PPEF1: variants seen among roughly 807,000 people sequenced by gnomAD.
PPEF1 encodes the protein protein phosphatase with EF-hand domain 1, also known as serine/threonine-protein phosphatase with EF-hands 1.
A neutral mutation model predicts 53.3 loss-of-function variants in PPEF1; 12 were observed. The observed-to-expected ratio is 0.23, with a 90% confidence interval of 0.14 to 0.36. The LOEUF is 0.36. Among genes scored for constraint, PPEF1 ranks in the 10% least tolerant of loss-of-function variants. The pLI, the probability that PPEF1 is intolerant of heterozygous loss-of-function variation, is 1.00. For missense variants in PPEF1, 334 were observed against 490.4 expected (o/e 0.68, Z 3.01); for synonymous variants, 165 against 176.7 (o/e 0.93, Z 0.52).
chrX:18,811,178 G>A (rs1047547758), intron 12 of PPEF1, among the ~76,000 whole-genome samples: 2 of 111,335 alleles, frequency 1.8e-5, no homozygotes, highest in Non-Finnish European at 3.8e-5. Context: ...TCAGCCTCCC[G>A]AGTAGCTGGG....
At chrX:18,784,387 T>A (rs1178963775) in intron 9 of PPEF1, among the ~76,000 whole-genome samples, 1 of 111,731 alleles carries the variant, frequency 9.0e-6, no homozygotes, top group Non-Finnish European at 1.9e-5. Flanking sequence ...TGGTAAAATA[T>A]ACATAACATA....
rs1211927482 is a variant in PPEF1 at position 18,793,191 on chromosome X, C to A, written c.1065+3918C>A. Among the ~76,000 whole-genome samples, 12 of 109,253 alleles carry A rather than the reference C, an allele frequency of 1.1e-4. 1 individual carries two copies. Among genetic ancestry groups the A allele is most frequent in the East Asian group, 5.7e-4 (2 of 3,495 alleles). The allele number at this position is 109,253 out of a possible 115,157, so 94.9% of individuals were successfully genotyped here. ...CTTTAAGTACTGCTTTAGCTCCATC[C>A]CTTAAGTTTGCTATGTTATTAAACA... On this transcript the variant is annotated intron_variant, in intron 10 of 15. Coordinates refer to ENST00000470157, the MANE Select transcript of PPEF1 (RefSeq NM_001377996.1).
Position 18,782,591 on chromosome X carries a change from T to C in PPEF1, c.762+189T>C, listed in dbSNP as rs188760659. 4.1e-3 allele frequency among the ~76,000 whole-genome samples: 458 copies of C among 111,560 alleles called. 2 individuals are homozygous for C. Among genetic ancestry groups the C allele is most frequent in the African/African-American group, 0.014 (431 of 30,669 alleles). On this transcript the variant is annotated intron_variant, in intron 8 of 15. Transcript: ENST00000470157. ...ACAGTAGAGTCTTATATTTTCTTTC[T>C]GGATTAAACCACACTTTTTCATTGT...
At chrX:18,678,201 C>T (rs796674422), upstream of PPEF1, among the ~76,000 whole-genome samples, 3 of 104,879 alleles carry the variant, frequency 2.9e-5, no homozygotes, top group South Asian at 8.7e-4. Context: ...GAAGCTGAGG[C>T]GGGCGGATTG....
At chrX:18,754,813 C>A (rs753272640) in intron 4 of PPEF1, among the ~76,000 whole-genome samples, 45 of 111,768 alleles carry the variant, frequency 4.0e-4, no homozygotes, top group African/African-American at 1.4e-3. Flanking sequence ...GTTGCCCAGG[C>A]TGGTCTCGAA....
upstream of PPEF1, among the ~76,000 whole-genome samples, chrX:18,679,678 C>T (rs1015930464): frequency 2.7e-5 from 3 of 111,569 alleles, no homozygotes; most frequent in African/African-American, 9.8e-5. Flanking sequence ...CAGAGTGGTC[C>T]TTTCAAGATT....
At chrX:18,762,670 C>T (rs768053867) in intron 6 of PPEF1, among the ~76,000 whole-genome samples, 211 of 111,987 alleles carry the variant, frequency 1.9e-3, no homozygotes, top group Non-Finnish European at 3.1e-3. Flanking sequence ...TTTTAGACCA[C>T]ATAGGGTAAC....
At chrX:18,715,707 G>A (rs764557935) in intron 1 of PPEF1, among the ~76,000 whole-genome samples, 50 of 111,622 alleles carry the variant, frequency 4.5e-4, no homozygotes, top group Non-Finnish European at 8.1e-4. Context: ...TTATAAATGA[G>A]GAAAGTGAGA....
At chrX:18,787,758 A>AG (rs2046236774) in intron 9 of PPEF1, among the ~76,000 whole-genome samples, 1 of 73,718 alleles carries the variant, frequency 1.4e-5, no homozygotes, top group Admixed American at 1.3e-4. Context: ...CATCTTTACA[A>AG]AAAAAAAAAA....
chrX:18,683,488 T>G (rs917453765), intron 1 of PPEF1, among the ~76,000 whole-genome samples: 1 of 111,854 alleles, frequency 8.9e-6, no homozygotes, highest in African/African-American at 3.3e-5. Context: ...ACTCATTGAA[T>G]CCTCATGAGA....
At chrX:18,692,393 G>A in intron 4 of PPEF1, among the ~76,000 whole-genome samples, 1 of 112,010 alleles carries the variant, frequency 8.9e-6, no homozygotes, top group Non-Finnish European at 1.9e-5. Context: ...TGTAACCACA[G>A]CACCTAGCAT....
intron 9 of PPEF1, 140 bp from the exon 10 acceptor site, chrX:18,788,981 G>A (rs989333243): frequency 7.1e-6 from 5 of 701,803 alleles, no homozygotes; most frequent in South Asian, 3.0e-5. Context: ...TATAGGAGGT[G>A]GACGAGATGC....
chrX:18,765,564 G>C (rs958748442), intron 6 of PPEF1, among the ~76,000 whole-genome samples: 8 of 111,015 alleles, frequency 7.2e-5, no homozygotes, highest in African/African-American at 2.3e-4. Flanking sequence ...GTAACATCAT[G>C]ATATATTATA....
At position 18,827,365 on chromosome X, in the gene PPEF1, C is replaced by T; in HGVS notation, c.1840C>T (p.Leu614Phe). The change falls in exon 16 of 16, where the codon CTT becomes TTT. Residue 614 changes from leucine (L) to phenylalanine (F), a missense_variant. Physicochemically the swap from Leu to Phe is conservative, Grantham distance 22. Transcript: ENST00000470157. The part of the protein sequence containing the change: ...VHIDDSQVNK[L>F]ANIMDLNKDG... ...CATTGATGATTCCCAAGTCAATAAG[C>T]TTGCCAACATAATGGACTTGAACAA... 2 of 1,209,274 alleles carry T rather than the reference C, an allele frequency of 1.7e-6. No homozygotes were observed. The highest frequency in any genetic ancestry group is 4.6e-4 in the Middle Eastern group (2 of 4,343).
rs1602442557 is a variant in PPEF1 at position 18,779,021 on chromosome X, C to T, written c.570C>T (p.Pro190=). 1 of 1,198,477 alleles carries T rather than the reference C, an allele frequency of 8.3e-7. No individual in the cohort carries two copies. The highest frequency in any genetic ancestry group is 1.1e-6 in the Non-Finnish European group (1 of 884,579). The part of the protein sequence containing the change: ...LFLIFYKNGL[P]SERNPYVFNG... ...TCCTCCTTCCACAGAATGGTCTCCCCTCAGAGAGGAACCCGTATGTTTTTA... is the reference window on the plus strand; with the variant it reads ...TCCTCCTTCCACAGAATGGTCTCCCTTCAGAGAGGAACCCGTATGTTTTTA... Residue 190 remains proline (P), a synonymous_variant, in exon 7 of 16, where the codon CCC becomes CCT. Coordinates refer to ENST00000470157, the MANE Select transcript of PPEF1 (RefSeq NM_001377996.1).
intron 1 of PPEF1, among the ~76,000 whole-genome samples, chrX:18,720,402 G>A (rs1259049915): frequency 9.0e-6 from 1 of 111,402 alleles, no homozygotes; most frequent in Admixed American, 9.6e-5. Flanking sequence ...GACCAGCCTG[G>A]CCAACGTGAT....
At chrX:18,814,509 T>C (rs1313850067) in intron 12 of PPEF1, among the ~76,000 whole-genome samples, 1 of 112,010 alleles carries the variant, frequency 8.9e-6, no homozygotes, top group East Asian at 2.8e-4. Flanking sequence ...TATTTATTAT[T>C]TTTTGACTTC....
Position 18,723,275 on chromosome X carries a change from A to G in PPEF1, c.47-6906A>G, listed in dbSNP as rs747534092. On this transcript the variant is annotated intron_variant, in intron 1 of 15. Coordinates refer to ENST00000470157, the MANE Select transcript of PPEF1 (RefSeq NM_001377996.1). ...GCTGGGGTTACAGGCGTGAGCCACCATGTGCAGTCATAATTTGTGAAATTT... is the reference window on the plus strand; with the variant it reads ...GCTGGGGTTACAGGCGTGAGCCACCGTGTGCAGTCATAATTTGTGAAATTT... Among the ~76,000 whole-genome samples the G allele has an allele frequency of 1.3e-4, 14 of 111,663 alleles. No individual in the cohort carries two copies. In the East Asian group the frequency reaches 3.9e-3, roughly 31 times the overall value.
intron 1 of PPEF1, among the ~76,000 whole-genome samples, chrX:18,714,901 G>A (rs1043093026): frequency 2.7e-5 from 3 of 112,000 alleles, no homozygotes; most frequent in South Asian, 3.7e-4. Context: ...GCCAAGGCTC[G>A]TGCTTGATTC....
Sources: gnomAD v4.1 joint callset for allele counts (sites outside exome capture counted in the v4.1 genomes callset) on GRCh38, gnomAD v4.1.1 for gene constraint, MANE v1.5 for transcripts, NCBI Gene and HGNC (gene_info 2026-07-23, HGNC 2026-07-21) for gene names.